The following CNTN5 variants were observed in gnomAD, a reference collection of about 807,000 sequenced individuals.
CNTN5 encodes contactin-5.
CNTN5 carries 77 observed loss-of-function variants against 129.1 expected under a neutral mutation model. The ratio of observed to expected loss-of-function variants is 0.60; its 90% confidence interval spans 0.50 to 0.72. The LOEUF (loss-of-function observed/expected upper bound fraction) is 0.72, where lower values mean the gene tolerates loss of function less well. CNTN5 is among the 30% of genes least tolerant of loss of function. The pLI, the probability that CNTN5 is intolerant of heterozygous loss-of-function variation, is 0.00. For synonymous variants in CNTN5, 509 were observed against 465.6 expected, an observed-to-expected ratio of 1.09 and a Z score of -1.20; for missense variants, 1,478 against 1,328.8, an observed-to-expected ratio of 1.11 and a Z score of -1.75.
intron 18 of CNTN5, among the ~76,000 whole-genome samples, chr11:100,282,982 C>T (rs1445510827): frequency 3.3e-5 from 5 of 152,196 alleles, no homozygotes; most frequent in Non-Finnish European, 7.3e-5. Flanking sequence ...CCCTTCAGGG[C>T]AATGGGCTCC....
At chr11:99,204,899 C>T (rs66626872) in intron 1 of CNTN5, among the ~76,000 whole-genome samples, 33,906 of 152,044 alleles carry the variant, frequency 0.22, 3,843 homozygotes, top group Middle Eastern at 0.26. Context: ...TTGTGCTGAA[C>T]AGTTGTGCTT....
At chr11:99,970,253 C>T (rs1407871393) in intron 8 of CNTN5, among the ~76,000 whole-genome samples, 1 of 152,166 alleles carries the variant, frequency 6.6e-6, no homozygotes, top group Admixed American at 6.6e-5. Context: ...ATCCAAAACA[C>T]ACTGTCAAAA....
chr11:99,720,266 G>A (rs1943127967), intron 3 of CNTN5, among the ~76,000 whole-genome samples: 1 of 152,074 alleles, frequency 6.6e-6, no homozygotes, highest in Non-Finnish European at 1.5e-5. Flanking sequence ...AAACTTCAAT[G>A]CAAAAATCCT....
At chr11:99,425,766 G>C (rs1943093891) in intron 2 of CNTN5, among the ~76,000 whole-genome samples, 1 of 152,200 alleles carries the variant, frequency 6.6e-6, no homozygotes, top group Non-Finnish European at 1.5e-5. Flanking sequence ...CTGCACCCTG[G>C]AGTGTGGGGC....
At chr11:99,420,469 C>T in intron 2 of CNTN5, among the ~76,000 whole-genome samples, 1 of 152,066 alleles carries the variant, frequency 6.6e-6, no homozygotes, top group East Asian at 1.9e-4. Flanking sequence ...TACATAATGT[C>T]ACACTCAAAA....
intron 2 of CNTN5, among the ~76,000 whole-genome samples, chr11:99,506,744 C>T (rs992591039): frequency 3.9e-5 from 6 of 152,020 alleles, no homozygotes; most frequent in African/African-American, 1.4e-4. Context: ...TGTCTGTTTA[C>T]TTCATAGTAG....
intron 4 of CNTN5, among the ~76,000 whole-genome samples, chr11:99,838,854 A>G (rs1423625031): frequency 1.3e-5 from 2 of 152,176 alleles, no homozygotes; most frequent in Non-Finnish European, 2.9e-5. Context: ...ACTTAGTATT[A>G]GAAGTAATAT....
chr11:99,737,596 C>T (rs1294987827), intron 3 of CNTN5, among the ~76,000 whole-genome samples: 1 of 151,898 alleles, frequency 6.6e-6, no homozygotes, highest in Non-Finnish European at 1.5e-5. Context: ...AAAAATAATC[C>T]AAGCATATGG....
At position 99,700,730 on chromosome 11, in the gene CNTN5, A is replaced by G. The variant is rs190253923; in HGVS notation, c.56-118814A>G. ...GCAGGTGAGATTTATTCTGTATTAA[A>G]TGGCTACTGTCCTGGTCCTATCTAC... On this transcript the variant is annotated intron_variant, in intron 3 of 24. Transcript: ENST00000524871. Among the ~76,000 whole-genome samples, 219 of 151,538 alleles carry G rather than the reference A, an allele frequency of 1.4e-3. 1 individual carries two copies. Among genetic ancestry groups the G allele is most frequent in the African/African-American group, 4.9e-3 (202 of 41,496 alleles).
intron 1 of CNTN5, among the ~76,000 whole-genome samples, chr11:99,136,729 G>A (rs1281743891): frequency 6.6e-6 from 1 of 151,988 alleles, no homozygotes; most frequent in Non-Finnish European, 1.5e-5. Flanking sequence ...TAATATAGCT[G>A]CAATTGTCGC....
At chr11:99,498,280 C>T (rs925424470) in intron 2 of CNTN5, among the ~76,000 whole-genome samples, 7 of 152,022 alleles carry the variant, frequency 4.6e-5, no homozygotes, top group Admixed American at 3.3e-4. Context: ...ATAGCATTAT[C>T]GCAGTTCAGT....
At chr11:99,517,507 A>G (rs1281309268) in intron 2 of CNTN5, among the ~76,000 whole-genome samples, 2 of 152,110 alleles carry the variant, frequency 1.3e-5, no homozygotes, top group South Asian at 2.1e-4. Flanking sequence ...CTTAAGGTTT[A>G]TATTCACACA....
chr11:99,705,295 A>G (rs1334280215), intron 3 of CNTN5, among the ~76,000 whole-genome samples: 1 of 151,362 alleles, frequency 6.6e-6, no homozygotes, highest in African/African-American at 2.4e-5. Context: ...TGGTCACTGA[A>G]TCCAGATATG....
intron 2 of CNTN5, among the ~76,000 whole-genome samples, chr11:99,403,675 CT>C (rs1941936297): frequency 6.6e-6 from 1 of 152,036 alleles, no homozygotes; most frequent in Admixed American, 6.6e-5. Context: ...CAAAATTCCT[CT>C]TGTTATTGAT....
intron 13 of CNTN5, among the ~76,000 whole-genome samples, chr11:100,138,766 T>G (rs1258168124): frequency 6.6e-6 from 1 of 152,148 alleles, no homozygotes; most frequent in Non-Finnish European, 1.5e-5. Flanking sequence ...TATTCTCTAC[T>G]GGATTGCTAT....
intron 1 of CNTN5, among the ~76,000 whole-genome samples, chr11:99,226,667 T>G (rs1161875955): frequency 6.6e-6 from 1 of 151,596 alleles, no homozygotes; most frequent in Non-Finnish European, 1.5e-5. Flanking sequence ...ACCTTGTGAC[T>G]GGTAGGACTA....
chr11:99,676,544 A>AAT (rs1225185084), intron 3 of CNTN5, among the ~76,000 whole-genome samples: 3 of 152,216 alleles, frequency 2.0e-5, no homozygotes, highest in Admixed American at 6.5e-5. Flanking sequence ...GCTGCAATAA[A>AAT]ATTTCAAGGG....
intron 21 of CNTN5, among the ~76,000 whole-genome samples, chr11:100,323,048 T>C (rs1591514001): frequency 6.6e-6 from 1 of 152,206 alleles, no homozygotes; most frequent in African/African-American, 2.4e-5. Context: ...CTCTAAAGTA[T>C]ATGCTTTTTA....
At chr11:99,186,837 A>C (rs1382905744) in intron 1 of CNTN5, among the ~76,000 whole-genome samples, 1 of 151,946 alleles carries the variant, frequency 6.6e-6, no homozygotes. Context: ...GAAGCCTGGA[A>C]TCTTAATTCC....
Sources: gnomAD v4.1 joint callset for allele counts (sites outside exome capture counted in the v4.1 genomes callset) on GRCh38, gnomAD v4.1.1 for gene constraint, MANE v1.5 for transcripts, NCBI Gene and HGNC (gene_info 2026-07-23, HGNC 2026-07-21) for gene names.